Variants in LUZP2 observed in about 807,000 individuals in gnomAD.
LUZP2 encodes leucine zipper protein 2.
LUZP2 carries 52 observed loss-of-function variants against 51.6 expected under a neutral mutation model. The ratio of observed to expected loss-of-function variants is 1.01; its 90% CI spans 0.81 to 1.27. The LOEUF is 1.27. Ranked by LOEUF, LUZP2 falls within the 50% of genes most tolerant of loss-of-function variation. The probability of loss-of-function intolerance (pLI) is 0.00; values close to 1 mark genes in which losing one functional copy is unlikely to be tolerated. For synonymous variants in LUZP2, 154 were observed against 137.3 expected (o/e 1.12, Z -0.85); for missense variants, 436 against 395.4 (o/e 1.10, Z -0.87).
chr11:24,778,475 A>G (rs1385022076), intron 5 of LUZP2, among the ~76,000 whole-genome samples: 1 of 152,104 alleles, frequency 6.6e-6, no homozygotes, highest in Non-Finnish European at 1.5e-5. Context: ...AACCTTAAAA[A>G]TCATAGAAAT....
chr11:24,613,387 A>G (rs1277486840), intron 1 of LUZP2, among the ~76,000 whole-genome samples: 2 of 152,120 alleles, frequency 1.3e-5, no homozygotes, highest in African/African-American at 4.8e-5. Context: ...TAATCTATTT[A>G]AAACTATCAT....
chr11:24,726,149 T>C (rs995539937), intron 1 of LUZP2, among the ~76,000 whole-genome samples: 3 of 152,162 alleles, frequency 2.0e-5, no homozygotes, highest in African/African-American at 7.2e-5. Context: ...AGGCAAAACA[T>C]ATAAACAGAT....
At chr11:24,854,048 G>A (rs1851475744) in intron 5 of LUZP2, among the ~76,000 whole-genome samples, 1 of 152,212 alleles carries the variant, frequency 6.6e-6, no homozygotes, top group African/African-American at 2.4e-5. Flanking sequence ...TGTATGAGGT[G>A]TCTGTTGACC....
intron 7 of LUZP2, among the ~76,000 whole-genome samples, chr11:24,946,573 T>A (rs1412892394): frequency 4.6e-5 from 7 of 152,004 alleles, no homozygotes; most frequent in African/African-American, 1.7e-4. Flanking sequence ...TTTGTACTAA[T>A]TTATTTCTAG....
chr11:24,768,385 C>G (rs1860275704), intron 5 of LUZP2, among the ~76,000 whole-genome samples: 2 of 152,162 alleles, frequency 1.3e-5, no homozygotes, highest in Admixed American at 1.3e-4. Context: ...GCTGGGATTA[C>G]AGGCATAAGC....
intron 9 of LUZP2, among the ~76,000 whole-genome samples, chr11:25,017,723 G>C (rs990698115): frequency 6.6e-6 from 1 of 151,270 alleles, no homozygotes; most frequent in African/African-American, 2.4e-5. Context: ...TGTTGTTGTT[G>C]TTGTTATGTG....
chr11:24,709,374 A>C (rs938153062), intron 1 of LUZP2, among the ~76,000 whole-genome samples: 5 of 152,180 alleles, frequency 3.3e-5, no homozygotes, highest in African/African-American at 1.2e-4. Context: ...ATACAAAGAC[A>C]TGGGGTTATA....
chr11:24,581,532 G>A (rs1852853735), intron 1 of LUZP2, among the ~76,000 whole-genome samples: 2 of 54,854 alleles, frequency 3.6e-5, no homozygotes, highest in South Asian at 1.4e-3. Flanking sequence ...TTACCCAGGT[G>A]TGGTGGCGCT....
intron 5 of LUZP2, among the ~76,000 whole-genome samples, chr11:24,791,485 T>A (rs972294644): frequency 1.3e-5 from 2 of 152,184 alleles, no homozygotes; most frequent in East Asian, 3.9e-4. Context: ...AAACATATGT[T>A]AACAATATTA....
chr11:24,816,147 A>C (rs2134147093), intron 5 of LUZP2, among the ~76,000 whole-genome samples: 1 of 152,158 alleles, frequency 6.6e-6, no homozygotes, highest in Non-Finnish European at 1.5e-5. Flanking sequence ...AATTTTGTGA[A>C]TCTCCTAGTC....
chr11:25,037,689 A>G (rs1237914008), intron 9 of LUZP2, among the ~76,000 whole-genome samples: 1 of 152,102 alleles, frequency 6.6e-6, no homozygotes, highest in African/African-American at 2.4e-5. Context: ...CTTCTCTGAG[A>G]AAGATTTTAT....
chr11:25,019,319 G>T (rs1857259563), intron 9 of LUZP2, among the ~76,000 whole-genome samples: 1 of 152,082 alleles, frequency 6.6e-6, no homozygotes, highest in African/African-American at 2.4e-5. Context: ...TTTTACATGA[G>T]AGTAAACAGA....
At chr11:24,902,074 G>C (rs908028669) in intron 5 of LUZP2, among the ~76,000 whole-genome samples, 1 of 151,746 alleles carries the variant, frequency 6.6e-6, no homozygotes, top group South Asian at 2.1e-4. Context: ...TAGTCCAAAG[G>C]GTTTTATTGT....
chr11:25,004,422 CT>C (rs1437671619), intron 9 of LUZP2, among the ~76,000 whole-genome samples: 1 of 152,098 alleles, frequency 6.6e-6, no homozygotes, highest in Non-Finnish European at 1.5e-5. Flanking sequence ...CTCGCTTTTC[CT>C]TTTGGGTGTG....
intron 9 of LUZP2, among the ~76,000 whole-genome samples, chr11:25,006,042 C>T (rs935764571): frequency 1.1e-4 from 16 of 152,112 alleles, no homozygotes; most frequent in African/African-American, 3.9e-4. Flanking sequence ...GATACAATTT[C>T]TGAGGCTCCC....
chr11:24,963,488 C>G (rs1302007909), intron 7 of LUZP2, among the ~76,000 whole-genome samples: 1 of 152,212 alleles, frequency 6.6e-6, no homozygotes, highest in Non-Finnish European at 1.5e-5. Flanking sequence ...CCTCCCCCAG[C>G]CCCGCTGCTG....
chr11:25,051,308 C>A (rs1858503768), intron 10 of LUZP2, among the ~76,000 whole-genome samples: 1 of 151,190 alleles, frequency 6.6e-6, no homozygotes, highest in Non-Finnish European at 1.5e-5. Flanking sequence ...CAGAGCGAGA[C>A]TCCGTCTCAA....
intron 7 of LUZP2, among the ~76,000 whole-genome samples, chr11:24,974,731 G>A (rs1855837123): frequency 6.6e-6 from 1 of 151,926 alleles, no homozygotes; most frequent in Non-Finnish European, 1.5e-5. Context: ...TAAACGATAA[G>A]AAGAAAATTA....
Position 24,763,244 on chromosome 11 carries a change from A to G in LUZP2, c.334-2A>G. On this transcript the variant is annotated splice_acceptor_variant, in intron 4 of 11. Coordinates refer to ENST00000336930, the MANE Select transcript of LUZP2 (RefSeq NM_001009909.4). LOFTEE classifies it high-confidence loss of function. ...TCTACATAATAGTCTATTCATTTTC[A>G]GATTAATTTTTTAAAGACTGAAGTT... is the stretch of plus-strand genomic sequence containing the variant. 1 of 1,346,462 alleles carries G rather than the reference A, an allele frequency of 7.4e-7. No homozygotes were observed. The highest frequency in any genetic ancestry group is 1.0e-6 in the Non-Finnish European group (1 of 1,004,992). The allele number at this position is 1,346,462 out of a possible 1,614,324, so 83.4% of individuals were successfully genotyped here.
Sources: gnomAD v4.1 joint callset for allele counts (sites outside exome capture counted in the v4.1 genomes callset) on GRCh38, gnomAD v4.1.1 for gene constraint, MANE v1.5 for transcripts, NCBI Gene and HGNC (gene_info 2026-07-23, HGNC 2026-07-21) for gene names.